The following ANAPC5 variants were observed in gnomAD, a reference collection of about 807,000 sequenced individuals.
ANAPC5 encodes the protein anaphase-promoting complex subunit 5.
Under a neutral mutation model 91.3 loss-of-function variants are expected in ANAPC5, and 60 were observed. That is an observed-to-expected ratio of 0.66 (90% CI 0.53 to 0.81). ANAPC5 has a LOEUF of 0.81. Ranked by LOEUF, ANAPC5 falls within the 40% of genes least tolerant of loss-of-function variation. ANAPC5 has a pLI of 0.00. For missense variants in ANAPC5, 690 were observed against 931.5 expected (o/e 0.74, Z 3.37); for synonymous variants, 340 against 364.1 (o/e 0.93, Z 0.75).
chr12:121,327,489 C>T, intron 10 of ANAPC5: 1 of 483,250 alleles, frequency 2.1e-6, no homozygotes, highest in Non-Finnish European at 3.7e-6. Flanking sequence ...GATCCCCCCG[C>T]CCCCACCCCA....
At position 121,308,666 on chromosome 12, in the gene ANAPC5, G is replaced by A; in HGVS notation, c.2082C>T (p.Leu694=). 1.9e-6 allele frequency: 3 copies of A among 1,614,204 alleles called. No individual in the cohort carries two copies. Among genetic ancestry groups the A allele is most frequent in the Non-Finnish European group, 2.5e-6 (3 of 1,180,036 alleles). The change falls in exon 17 of 17, where the codon CTC becomes CTT. Residue 694 remains leucine (L), a synonymous_variant. Coordinates refer to ENST00000261819, the MANE Select transcript of ANAPC5 (RefSeq NM_016237.5). Reference sequence around the variant, plus strand: ...TTGCAAAATAGTTCTTGGCTTCATTGAGGTTCTCGATGGCAGCCTCCAGAG... The same window carrying A: ...TTGCAAAATAGTTCTTGGCTTCATTAAGGTTCTCGATGGCAGCCTCCAGAG... ...AEALEAAIEN[L]NEAKNYFAKV...
chr12:121,317,645 G>A (rs1035507602), intron 15 of ANAPC5, among the ~76,000 whole-genome samples: 2 of 152,202 alleles, frequency 1.3e-5, no homozygotes, highest in South Asian at 2.1e-4. Flanking sequence ...TTCTGACTCC[G>A]TAGGTCTGAG....
In ANAPC5 at chr12:121,341,301, C is replaced by G. The variant is rs570219858; in HGVS notation, c.657+702G>C. Among the ~76,000 whole-genome samples, 4 of 152,256 alleles carry G rather than the reference C, an allele frequency of 2.6e-5. No homozygotes were observed. The East Asian group carries it at 7.7e-4, about 29-fold the overall frequency. Reference sequence around the variant, plus strand: ...CCTGGCCAATGTGGTGAAACCCCATCTCTACTAAAGATACAAAAATTAGCC... The same window carrying G: ...CCTGGCCAATGTGGTGAAACCCCATGTCTACTAAAGATACAAAAATTAGCC... On this transcript the variant is annotated intron_variant, in intron 5 of 16. Transcript: ENST00000261819.
intron 5 of ANAPC5, among the ~76,000 whole-genome samples, chr12:121,338,110 A>T (rs1903314302): frequency 6.6e-6 from 1 of 152,122 alleles, no homozygotes; most frequent in Non-Finnish European, 1.5e-5. Flanking sequence ...GTGGTGGTTG[A>T]TGCCTGTAAT....
At chr12:121,326,955 A>G (rs1902843137) in intron 11 of ANAPC5, 141 bp downstream of exon 11, 2 of 1,179,402 alleles carry the variant, frequency 1.7e-6, no homozygotes, top group East Asian at 5.6e-5. Context: ...GTCCCCTTCC[A>G]CTGGTGGGAT....
In ANAPC5 at chr12:121,319,778, GCT is replaced by G; in HGVS notation, c.1554_1555del (p.Arg518SerfsTer4). 6.2e-7 allele frequency: 1 copy of G among 1,611,778 alleles called. No homozygotes were observed. Among genetic ancestry groups the G allele is most frequent in the Non-Finnish European group, 8.5e-7 (1 of 1,179,308 alleles). On this transcript the variant is annotated frameshift_variant, in exon 13 of 17. Coordinates refer to ENST00000261819, the MANE Select transcript of ANAPC5 (RefSeq NM_016237.5). LOFTEE classifies it high-confidence loss of function. Reference sequence around the variant, plus strand: ...CAAATGATATTTGCCATCATTCATTGCTCTGTCAAACTGTATTTTTTGATCAC... The same window carrying G: ...CAAATGATATTTGCCATCATTCATTGCTGTCAAACTGTATTTTTTGATCAC...
intron 6 of ANAPC5, among the ~76,000 whole-genome samples, chr12:121,336,431 A>T (rs1903240310): frequency 6.6e-6 from 1 of 152,156 alleles, no homozygotes; most frequent in South Asian, 2.1e-4. Context: ...TAATCCCAGC[A>T]CTTTGGGAGG....
chr12:121,337,321 C>A lies in ANAPC5; in HGVS notation c.729G>T (p.Leu243Phe). Residue 243 changes from leucine (L) to phenylalanine (F), a missense_variant, in exon 6 of 17, where the codon TTG becomes TTT. Leu to Phe is a conservative substitution (Grantham distance 22, BLOSUM62 0). Around this residue, in one of 5 missense-constraint regions of ANAPC5, gnomAD observed 83 missense variants for 150.8 expected, o/e 0.55. Transcript: ENST00000261819. ...PASLQKELNN[L>F]LKFNPDFAEA... Reference sequence around the variant, plus strand: ...CAGCAAAATCAGGATTAAATTTCAACAAATTGTTTAATTCCTTCTGCAAGG... The same window carrying A: ...CAGCAAAATCAGGATTAAATTTCAAAAAATTGTTTAATTCCTTCTGCAAGG... 1 of 1,613,780 alleles carries A rather than the reference C, an allele frequency of 6.2e-7. No individual in the cohort carries two copies. The highest frequency in any genetic ancestry group is 8.5e-7 in the Non-Finnish European group (1 of 1,179,746).
chr12:121,326,107 G>A (rs1441805232), intron 11 of ANAPC5, among the ~76,000 whole-genome samples: 3 of 152,172 alleles, frequency 2.0e-5, no homozygotes, highest in African/African-American at 4.8e-5. Flanking sequence ...TGGCAAAGGC[G>A]CCGTGGAACC....
intron 4 of ANAPC5, among the ~76,000 whole-genome samples, chr12:121,343,373 T>C (rs1335204568): frequency 2.6e-5 from 4 of 152,214 alleles, no homozygotes; most frequent in African/African-American, 9.6e-5. Context: ...CTGAATACTT[T>C]ATATGAATTT....
intron 5 of ANAPC5, among the ~76,000 whole-genome samples, chr12:121,338,437 A>G (rs1413234809): frequency 6.6e-6 from 1 of 151,546 alleles, no homozygotes; most frequent in Non-Finnish European, 1.5e-5. Flanking sequence ...AAGATACAAA[A>G]CATTAGCCGG....
At chr12:121,344,220 A>G (rs1389839986) in intron 4 of ANAPC5, among the ~76,000 whole-genome samples, 2 of 152,228 alleles carry the variant, frequency 1.3e-5, no homozygotes, top group African/African-American at 4.8e-5. Context: ...GAAACAGATA[A>G]GCAAGCAAGC....
At chr12:121,328,538 C>T in intron 9 of ANAPC5, 41 bp from the exon 10 acceptor site, 1 of 1,583,524 alleles carries the variant, frequency 6.3e-7, no homozygotes, top group South Asian at 1.1e-5. Flanking sequence ...ATAGAGATTA[C>T]ATGACAGAAT....
At chr12:121,341,840 A>C (rs1479688350) in intron 5 of ANAPC5, among the ~76,000 whole-genome samples, 163 bp downstream of exon 5, 1 of 152,202 alleles carries the variant, frequency 6.6e-6, no homozygotes, top group Non-Finnish European at 1.5e-5. Flanking sequence ...ACAGAGCTAC[A>C]AGTGCTTCGT....
chr12:121,326,807 C>G (rs1165095688), intron 11 of ANAPC5, among the ~76,000 whole-genome samples: 1 of 152,210 alleles, frequency 6.6e-6, no homozygotes, highest in Admixed American at 6.5e-5. Flanking sequence ...CTAAAACACA[C>G]AAACCTCTGC....
At chr12:121,348,143 T>C (rs1400798550) in intron 1 of ANAPC5, among the ~76,000 whole-genome samples, 1 of 152,200 alleles carries the variant, frequency 6.6e-6, no homozygotes, top group Non-Finnish European at 1.5e-5. Context: ...CTTCTTAGCT[T>C]TGTAATCATT....
chr12:121,331,421 C>A lies in ANAPC5; in HGVS notation c.958G>T (p.Ala320Ser). The change falls in exon 8 of 17, where the codon GCA becomes TCA. Residue 320 changes from alanine (A) to serine (S), a missense_variant. By Grantham distance (99) the Ala-to-Ser change is moderately conservative. Transcript: ENST00000261819. Reference sequence around the variant, plus strand: ...ATTGCCTCCTGCAGGGCGAGCTCTGCCTGTTGACTAATGACAGACTAAACA... The same window carrying A: ...ATTGCCTCCTGCAGGGCGAGCTCTGACTGTTGACTAATGACAGACTAAACA... ...LHCRFGHYQQ[A>S]ELALQEAIRI... 1 of 1,608,320 alleles carries A rather than the reference C, an allele frequency of 6.2e-7. No individual in the cohort carries two copies. The highest frequency in any genetic ancestry group is 8.5e-7 in the Non-Finnish European group (1 of 1,175,216).
chr12:121,349,951 T>C, intron 1 of ANAPC5, among the ~76,000 whole-genome samples: 1 of 152,014 alleles, frequency 6.6e-6, no homozygotes, highest in Middle Eastern at 3.2e-3. Flanking sequence ...CCTCAAGTGA[T>C]CCACCCACCT....
At chr12:121,351,486 C>T (rs1160130538) in intron 1 of ANAPC5, among the ~76,000 whole-genome samples, 1 of 150,572 alleles carries the variant, frequency 6.6e-6, no homozygotes, top group East Asian at 2.0e-4. Flanking sequence ...GAAACGGAGT[C>T]TTGCACTGTC....
Sources: allele counts gnomAD v4.1 joint callset (sites outside exome capture counted in the v4.1 genomes callset), GRCh38; gene constraint gnomAD v4.1.1; regional missense constraint gnomAD v4.1.1; transcripts MANE v1.5; gene names NCBI Gene and HGNC (gene_info 2026-07-23, HGNC 2026-07-21).